The following SLIT3 variants were observed in gnomAD, a reference collection of about 807,000 sequenced individuals.
SLIT3 encodes slit guidance ligand 3.
A neutral mutation model predicts 184.0 loss-of-function variants in SLIT3; 68 were observed. The observed-to-expected ratio is 0.37, with a 90% CI of 0.30 to 0.45. The LOEUF (loss-of-function observed/expected upper bound fraction) is 0.45. Among genes scored for constraint, SLIT3 ranks in the 20% least tolerant of loss-of-function variants. SLIT3 has a pLI of 1.00. For missense variants in SLIT3, 1,707 were observed against 2,026.0 expected (o/e 0.84, Z 3.02); for synonymous variants, 831 against 828.6 (o/e 1.00, Z -0.05).
At position 168,967,665 on chromosome 5, in the gene SLIT3, C is replaced by T. The variant is rs371894653; in HGVS notation, c.414-84329G>A. Among the ~76,000 whole-genome samples, 114 of 139,846 alleles carry T rather than the reference C, an allele frequency of 8.2e-4. 3 individuals carry two copies. In the East Asian group the frequency reaches 0.019, roughly 23 times the overall value. 91.7% of individuals were successfully genotyped at this position (139,846 alleles called of 152,430 possible). ...CCGTTTTAGCCGGGATGGTCTCGAT[C>T]TCCTGACCTCGTGATCCGCCCGCCT... is the stretch of plus-strand genomic sequence containing the variant. On this transcript the variant is annotated intron_variant, in intron 4 of 35. Coordinates refer to ENST00000519560, the MANE Select transcript of SLIT3 (RefSeq NM_003062.4).
chr5:169,220,582 T>C (rs1046013983), intron 3 of SLIT3, among the ~76,000 whole-genome samples: 5 of 152,048 alleles, frequency 3.3e-5, no homozygotes, highest in African/African-American at 1.2e-4. Context: ...TCTGGAAGCA[T>C]ATAAAAGACA....
intron 3 of SLIT3, among the ~76,000 whole-genome samples, chr5:169,200,651 TA>T (rs1763881125): frequency 6.6e-6 from 1 of 152,158 alleles, no homozygotes; most frequent in Non-Finnish European, 1.5e-5. Flanking sequence ...GATGTCACTA[TA>T]AATCGGGGGC....
rs192105130 is a variant in SLIT3, at chr5:169,163,535, C to T, written c.413+29944G>A. On this transcript the variant is annotated intron_variant, in intron 4 of 35. Coordinates refer to ENST00000519560, the MANE Select transcript of SLIT3 (RefSeq NM_003062.4). ...GGAATGAGGGCTGTGGACATCATAG[C>T]GGCTCCCTTTTCCCTAGTGTCTCTC... 2.0e-4 allele frequency among the ~76,000 whole-genome samples: 31 copies of T among 152,212 alleles called. No individual in the cohort carries two copies. The East Asian group carries it at 3.9e-3, about 19-fold the overall frequency.
At chr5:169,130,376 T>A (rs1217591985) in intron 4 of SLIT3, among the ~76,000 whole-genome samples, 2 of 152,244 alleles carry the variant, frequency 1.3e-5, no homozygotes, top group Non-Finnish European at 2.9e-5. Flanking sequence ...CTGGTGGAAC[T>A]GTAGAAAGAG....
At chr5:168,999,639 G>A (rs572447103) in intron 4 of SLIT3, among the ~76,000 whole-genome samples, 51 of 152,282 alleles carry the variant, frequency 3.3e-4, no homozygotes, top group African/African-American at 1.2e-3. Context: ...ACAAACTTTG[G>A]ACAGTGTCCC....
intron 3 of SLIT3, among the ~76,000 whole-genome samples, chr5:169,212,321 A>G (rs780610600): frequency 5.9e-5 from 9 of 152,146 alleles, no homozygotes; most frequent in Non-Finnish European, 1.0e-4. Context: ...TCTAACTGGC[A>G]TGAGATGGTA....
chr5:168,818,350 A>G (rs1260967616), intron 7 of SLIT3, among the ~76,000 whole-genome samples: 1 of 152,144 alleles, frequency 6.6e-6, no homozygotes, highest in African/African-American at 2.4e-5. Context: ...TTCTGAGGGG[A>G]ATCCCATCAA....
chr5:168,963,104 G>A (rs763665848), intron 4 of SLIT3, among the ~76,000 whole-genome samples: 40 of 152,234 alleles, frequency 2.6e-4, no homozygotes, highest in Admixed American at 5.9e-4. Context: ...TATGGCCTAC[G>A]GGGCCAATCT....
rs191649805 is a variant in SLIT3, at chr5:169,193,414, A to G, written c.413+65T>C. ...CACACGGCACGGCGCTCCACAAACCACATCCTCCACATCACCCAAGCCAGG... is the reference window on the plus strand; with the variant it reads ...CACACGGCACGGCGCTCCACAAACCGCATCCTCCACATCACCCAAGCCAGG... On this transcript the variant is annotated intron_variant, in intron 4 of 35. Transcript: ENST00000519560. 3 of 1,382,548 alleles carry G rather than the reference A, an allele frequency of 2.2e-6. No homozygotes were observed. The African/African-American group carries it at 4.3e-5, about 20-fold the overall frequency. 85.6% of individuals were successfully genotyped at this position (1,382,548 alleles called of 1,614,324 possible). A position where few individuals can be genotyped will look rare whatever the true frequency, so the allele number is the denominator to read the frequency against.
chr5:169,088,156 C>G (rs559361444), intron 4 of SLIT3, among the ~76,000 whole-genome samples: 5 of 152,324 alleles, frequency 3.3e-5, no homozygotes, highest in Admixed American at 1.3e-4. Flanking sequence ...AAACAAAGGA[C>G]AGTTGCTTTC....
chr5:169,044,907 A>G (rs1757575909), intron 4 of SLIT3, among the ~76,000 whole-genome samples: 1 of 152,116 alleles, frequency 6.6e-6, no homozygotes, highest in Non-Finnish European at 1.5e-5. Flanking sequence ...GCATTTTTTG[A>G]TCATCAACAA....
At chr5:168,979,923 C>G (rs1457194318) in intron 4 of SLIT3, among the ~76,000 whole-genome samples, 1 of 152,116 alleles carries the variant, frequency 6.6e-6, no homozygotes, top group African/African-American at 2.4e-5. Context: ...GACCTCATTT[C>G]TCTCTCTCTT....
intron 4 of SLIT3, among the ~76,000 whole-genome samples, chr5:169,011,691 G>C (rs1002283568): frequency 6.6e-6 from 1 of 152,086 alleles, no homozygotes; most frequent in Non-Finnish European, 1.5e-5. Context: ...TTTACTTATG[G>C]ACATCAGGTC....
intron 6 of SLIT3, among the ~76,000 whole-genome samples, chr5:168,843,727 T>C (rs928770158): frequency 2.6e-5 from 4 of 152,338 alleles, no homozygotes; most frequent in Admixed American, 6.5e-5. Flanking sequence ...TGGGCTTCTC[T>C]AAATCAGGGA....
At chr5:169,144,826 T>C (rs1761874739) in intron 4 of SLIT3, among the ~76,000 whole-genome samples, 1 of 152,218 alleles carries the variant, frequency 6.6e-6, no homozygotes, top group Non-Finnish European at 1.5e-5. Context: ...TCCTAAGCCC[T>C]ACCCTGCAAC....
At chr5:168,737,665 T>C (rs138776751) in intron 20 of SLIT3, among the ~76,000 whole-genome samples, 1 of 152,300 alleles carries the variant, frequency 6.6e-6, no homozygotes, top group African/African-American at 2.4e-5. Context: ...TGTCTAAACA[T>C]CATGGATATT....
At chr5:168,784,868 GACACACACACACACAC>G (rs34317589) in intron 12 of SLIT3, among the ~76,000 whole-genome samples, 4 of 149,840 alleles carry the variant, frequency 2.7e-5, no homozygotes, top group Non-Finnish European at 6.0e-5. Flanking sequence ...ATTTTAAAAA[GACACACACACACACAC>G]ACACGCACAC....
chr5:168,926,977 C>G (rs1214728532), intron 4 of SLIT3, among the ~76,000 whole-genome samples: 1 of 152,134 alleles, frequency 6.6e-6, no homozygotes, highest in Non-Finnish European at 1.5e-5. Context: ...TTCTTCAAAA[C>G]ATTAAAAAAC....
chr5:168,888,737 T>C (rs190794171), intron 4 of SLIT3, among the ~76,000 whole-genome samples: 1 of 152,314 alleles, frequency 6.6e-6, no homozygotes, highest in Admixed American at 6.5e-5. Flanking sequence ...AACTCTTGAT[T>C]AGTTAGGCTA....
Sources: gnomAD v4.1 joint callset for allele counts (sites outside exome capture counted in the v4.1 genomes callset) on GRCh38, gnomAD v4.1.1 for gene constraint, MANE v1.5 for transcripts, NCBI Gene and HGNC (gene_info 2026-07-23, HGNC 2026-07-21) for gene names.